LRMDA: variants seen among roughly 807,000 people sequenced by gnomAD.
LRMDA encodes leucine-rich melanocyte differentiation-associated protein.
LRMDA carries 18 observed loss-of-function variants against 29.8 expected under a neutral mutation model. The observed-to-expected ratio is 0.60, with a 90% confidence interval of 0.42 to 0.90. The LOEUF is 0.90. LRMDA is among the 40% of genes least tolerant of loss of function. The probability of loss-of-function intolerance (pLI) is 0.00; values close to 1 mark genes in which losing one functional copy is unlikely to be tolerated. For missense variants in LRMDA, 273 were observed against 273.9 expected, an observed-to-expected ratio of 1.00 and a Z score of 0.02; for synonymous variants, 125 against 109.4, an observed-to-expected ratio of 1.14 and a Z score of -0.89.
intron 6 of LRMDA, among the ~76,000 whole-genome samples, chr10:76,464,422 G>A (rs1049831867): frequency 6.6e-6 from 1 of 152,126 alleles, no homozygotes; most frequent in Non-Finnish European, 1.5e-5. Flanking sequence ...TACAACAGAC[G>A]GGGCTGGGAA....
At chr10:76,142,844 C>T (rs917499823) in intron 5 of LRMDA, among the ~76,000 whole-genome samples, 4 of 151,588 alleles carry the variant, frequency 2.6e-5, no homozygotes, top group African/African-American at 9.8e-5. Flanking sequence ...TTCCCCCCTC[C>T]CCCTACCCAA....
In LRMDA at chr10:76,456,037, G is replaced by T. The variant is rs112961747; in HGVS notation, c.602-101172G>T. Among the ~76,000 whole-genome samples the T allele has an allele frequency of 3.3e-3, 507 of 152,230 alleles. 6 individuals carry two copies. Among genetic ancestry groups the T allele is most frequent in the African/African-American group, 0.012 (480 of 41,532 alleles). ...TCTCCTCTTCCTCCTTAGGGGCTGGGTTGTTGGGCTTGGGAAAGGGTATGA... is the reference window on the plus strand; with the variant it reads ...TCTCCTCTTCCTCCTTAGGGGCTGGTTTGTTGGGCTTGGGAAAGGGTATGA... On this transcript the variant is annotated intron_variant, in intron 6 of 6. Coordinates refer to ENST00000611255, the MANE Select transcript of LRMDA (RefSeq NM_001305581.2).
chr10:76,513,155 G>A (rs2637246), intron 6 of LRMDA, among the ~76,000 whole-genome samples: 66,730 of 151,918 alleles, frequency 0.44, 15,086 homozygotes, highest in Middle Eastern at 0.58. Flanking sequence ...ATAGAGGACA[G>A]TTTAAATTTG....
At chr10:75,580,241 A>G (rs1421264435) in intron 2 of LRMDA, among the ~76,000 whole-genome samples, 1 of 152,270 alleles carries the variant, frequency 6.6e-6, no homozygotes, top group Admixed American at 6.5e-5. Context: ...ATACAAAATC[A>G]GTGTGCAAAA....
At chr10:75,867,157 A>G (rs1408253631) in intron 2 of LRMDA, among the ~76,000 whole-genome samples, 1 of 151,922 alleles carries the variant, frequency 6.6e-6, no homozygotes, top group East Asian at 1.9e-4. Flanking sequence ...TGAGCAAGTG[A>G]GATACAGATT....
intron 6 of LRMDA, among the ~76,000 whole-genome samples, chr10:76,353,360 G>GTA (rs1057322717): frequency 9.2e-5 from 14 of 151,812 alleles, no homozygotes; most frequent in African/African-American, 3.4e-4. Context: ...GTGTGTGTGT[G>GTA]TGAGATAGAT....
intron 6 of LRMDA, among the ~76,000 whole-genome samples, chr10:76,466,854 C>T (rs748972415): frequency 1.3e-5 from 2 of 152,094 alleles, no homozygotes; most frequent in African/African-American, 2.4e-5. Flanking sequence ...TTTAAAAAGT[C>T]GTATCTTGCT....
Position 76,435,978 on chromosome 10 carries a change from T to G in LRMDA, c.601+111493T>G, listed in dbSNP as rs191392421. On this transcript the variant is annotated intron_variant, in intron 6 of 6. Transcript: ENST00000611255. ...GGCTGAAGCAAAATGCTTTAATTTTTGGGATATTGGTTATTTCCCCAGTTT... is the reference window on the plus strand; with the variant it reads ...GGCTGAAGCAAAATGCTTTAATTTTGGGGATATTGGTTATTTCCCCAGTTT... 2.2e-4 allele frequency among the ~76,000 whole-genome samples: 34 copies of G among 152,356 alleles called. 1 individual carries two copies. In the East Asian group the frequency reaches 3.3e-3, roughly 15 times the overall value.
At chr10:75,735,062 T>C (rs1296106611) in intron 2 of LRMDA, among the ~76,000 whole-genome samples, 5 of 152,188 alleles carry the variant, frequency 3.3e-5, no homozygotes, top group African/African-American at 1.2e-4. Flanking sequence ...AAATATATGC[T>C]CACAAGAGCA....
chr10:76,510,173 C>T (rs1332120445), intron 6 of LRMDA, among the ~76,000 whole-genome samples: 2 of 152,074 alleles, frequency 1.3e-5, no homozygotes, highest in East Asian at 1.9e-4. Flanking sequence ...CGGATTCAAG[C>T]GATTCTCCTG....
intron 2 of LRMDA, among the ~76,000 whole-genome samples, chr10:75,778,898 C>T (rs990947427): frequency 6.6e-6 from 1 of 152,102 alleles, no homozygotes; most frequent in Non-Finnish European, 1.5e-5. Flanking sequence ...GGGAAGGGAT[C>T]CAAGTAGGAA....
intron 2 of LRMDA, among the ~76,000 whole-genome samples, chr10:75,968,519 C>T: frequency 6.6e-6 from 1 of 152,166 alleles, no homozygotes; most frequent in South Asian, 2.1e-4. Flanking sequence ...TCCCTGTGGC[C>T]TTGCATGCTC....
chr10:76,013,413 C>T lies in LRMDA; in HGVS notation c.132-22595C>T, dbSNP rs76254786. ...ATGGTAGACTTGGTAGCTGCACAATCCCTTGTTTGATTTCCCTAATCAGCA... is the reference window on the plus strand; with the variant it reads ...ATGGTAGACTTGGTAGCTGCACAATTCCTTGTTTGATTTCCCTAATCAGCA... On this transcript the variant is annotated intron_variant, in intron 2 of 6. Coordinates refer to ENST00000611255, the MANE Select transcript of LRMDA (RefSeq NM_001305581.2). Among the ~76,000 whole-genome samples, 1,184 of 151,824 alleles carry T rather than the reference C, an allele frequency of 7.8e-3. 13 individuals carry two copies. Among genetic ancestry groups the T allele is most frequent in the African/African-American group, 0.027 (1,128 of 41,368 alleles).
At chr10:76,038,972 G>T (rs1351060512) in intron 3 of LRMDA, among the ~76,000 whole-genome samples, 1 of 152,176 alleles carries the variant, frequency 6.6e-6, no homozygotes, top group African/African-American at 2.4e-5. Flanking sequence ...GGTCTAAGAT[G>T]ACCTCACTCA....
At chr10:75,628,212 G>C (rs184118001) in intron 2 of LRMDA, among the ~76,000 whole-genome samples, 2 of 152,274 alleles carry the variant, frequency 1.3e-5, no homozygotes, top group Non-Finnish European at 2.9e-5. Context: ...CTAATACTGA[G>C]AGCTACATTG....
intron 2 of LRMDA, among the ~76,000 whole-genome samples, chr10:75,508,790 A>T (rs1350012660): frequency 6.6e-6 from 1 of 152,206 alleles, no homozygotes; most frequent in African/African-American, 2.4e-5. Context: ...ACCCACACAA[A>T]TATATTTGCA....
intron 5 of LRMDA, among the ~76,000 whole-genome samples, chr10:76,143,841 C>A (rs1850256230): frequency 6.6e-6 from 1 of 152,188 alleles, no homozygotes; most frequent in Non-Finnish European, 1.5e-5. Flanking sequence ...ACATTTAAGT[C>A]TTTAATCCAT....
intron 5 of LRMDA, among the ~76,000 whole-genome samples, chr10:76,086,525 C>G (rs576010103): frequency 2.0e-5 from 3 of 152,190 alleles, no homozygotes; most frequent in Non-Finnish European, 4.4e-5. Flanking sequence ...TCAGTCAACA[C>G]TCGTAAGTAA....
intron 2 of LRMDA, among the ~76,000 whole-genome samples, chr10:75,499,483 A>G (rs766188325): frequency 3.3e-5 from 5 of 152,234 alleles, no homozygotes; most frequent in Non-Finnish European, 5.9e-5. Context: ...CTTTTCTGAA[A>G]AATGGAGATG....
Sources: allele counts gnomAD v4.1 joint callset (sites outside exome capture counted in the v4.1 genomes callset), GRCh38; gene constraint gnomAD v4.1.1; transcripts MANE v1.5; gene names NCBI Gene and HGNC (gene_info 2026-07-23, HGNC 2026-07-21).